Variants in ERCC6L2 observed in about 807,000 individuals in gnomAD.
The protein encoded by ERCC6L2 is ERCC excision repair 6 like 2, also known as DNA excision repair protein ERCC-6-like 2.
ERCC6L2 carries 77 observed loss-of-function variants against 132.0 expected under a neutral mutation model. That is an observed-to-expected ratio of 0.58 (90% CI 0.49 to 0.71). The LOEUF is 0.71. Among genes scored for constraint, ERCC6L2 ranks in the 30% least tolerant of loss-of-function variants. The pLI is 0.00. For synonymous variants in ERCC6L2, 583 were observed against 632.4 expected (o/e 0.92, Z 1.17); for missense variants, 1,542 against 1,837.6 (o/e 0.84, Z 2.94).
chr9:95,937,756 G>A lies in ERCC6L2; in HGVS notation c.1752-3698G>A, dbSNP rs778507811. 4.0e-5 allele frequency among the ~76,000 whole-genome samples: 6 copies of A among 151,698 alleles called. No homozygotes were observed. In the East Asian group the frequency reaches 7.8e-4, roughly 20 times the overall value. On this transcript the variant is annotated intron_variant, in intron 11 of 18. Coordinates refer to ENST00000653738, the MANE Select transcript of ERCC6L2 (RefSeq NM_020207.7). ...TCTTTGTCATTGCTAGTTTAGCAAC[G>A]AATCAGCTTTTTTTCACTGATTTTT...
At chr9:95,991,573 G>A (rs750511771) in intron 17 of ERCC6L2, among the ~76,000 whole-genome samples, 4 of 152,182 alleles carry the variant, frequency 2.6e-5, no homozygotes, top group African/African-American at 4.8e-5. Flanking sequence ...TAGTGAGCAT[G>A]TCACTTCAAA....
intron 14 of ERCC6L2, chr9:95,967,904 T>C (rs148876661): frequency 1.3e-5 from 2 of 152,308 alleles, no homozygotes; most frequent in African/African-American, 4.8e-5. Context: ...GACATGCCTA[T>C]ATTGATGTTA....
At chr9:95,958,193 G>A (rs1831711315) in intron 13 of ERCC6L2, among the ~76,000 whole-genome samples, 1 of 151,932 alleles carries the variant, frequency 6.6e-6, no homozygotes, top group Non-Finnish European at 1.5e-5. Flanking sequence ...TCCCTACAAA[G>A]GACATGAACT....
rs765604584 is a variant in ERCC6L2 at position 95,876,062 on chromosome 9, C to G, written c.24C>G (p.Pro8=). ...GGATGGATCCGTCGGCGCCACAGCC[C>G]CGCGCGGAAACCTCAGGCAAAGGTA... The part of the protein sequence containing the change: MDPSAPQ[P]RAETSGKDIW... The change falls in exon 1 of 19, where the codon CCC becomes CCG. Residue 8 remains proline (P), a synonymous_variant. Coordinates refer to ENST00000653738, the MANE Select transcript of ERCC6L2 (RefSeq NM_020207.7). 1 of 1,584,744 alleles carries G rather than the reference C, an allele frequency of 6.3e-7. No homozygotes were observed. Among genetic ancestry groups the G allele is most frequent in the South Asian group, 1.2e-5 (1 of 86,834 alleles).
intron 18 of ERCC6L2, among the ~76,000 whole-genome samples, chr9:96,007,957 C>T (rs62559763): frequency 0.088 from 13,352 of 152,058 alleles, 666 homozygotes; most frequent in Admixed American, 0.14. Context: ...GAGCTGGCCC[C>T]GCAGCTCTTT....
chr9:95,928,642 C>G, intron 10 of ERCC6L2, 77 bp from the exon 11 acceptor site: 1 of 1,279,468 alleles, frequency 7.8e-7, no homozygotes, highest in South Asian at 1.7e-5. Flanking sequence ...TAATACTTAA[C>G]AAGTCTCAAC....
At position 95,972,080 on chromosome 9, in the gene ERCC6L2, G is replaced by A. The variant is rs781006315; in HGVS notation, c.2329G>A (p.Asp777Asn). The A allele has an allele frequency of 1.6e-5, 21 of 1,304,128 alleles. No homozygotes were observed. The highest frequency in any genetic ancestry group is 1.1e-4 in the South Asian group (9 of 81,028). The allele number at this position is 1,304,128 out of a possible 1,614,324, so 80.8% of individuals were successfully genotyped here. Reference protein sequence around the residue: ...GIKTAKNKAPDSSKASSSPGQ... With the variant: ...GIKTAKNKAPNSSKASSSPGQ... ...AAAGACTGCCAAAAACAAAGCACCC[G>A]ATTCAAGTAAAGCTTCCAGCTCTCC... The change falls in exon 16 of 19, where the codon GAT becomes AAT. Residue 777 changes from aspartate (D) to asparagine (N), a missense_variant. Transcript: ENST00000653738.
At chr9:96,035,263 C>T (rs1229654585) in intron 19 of ERCC6L2, among the ~76,000 whole-genome samples, 1 of 152,154 alleles carries the variant, frequency 6.6e-6, no homozygotes, top group Non-Finnish European at 1.5e-5. Context: ...TTCTTCAGGC[C>T]AGGGAATGCC....
chr9:96,006,783 G>A (rs1833878292), intron 18 of ERCC6L2, among the ~76,000 whole-genome samples: 1 of 152,144 alleles, frequency 6.6e-6, no homozygotes, highest in Admixed American at 6.5e-5. Flanking sequence ...TCAATGAGTT[G>A]AGAACTGAAG....
intron 18 of ERCC6L2, among the ~76,000 whole-genome samples, chr9:96,008,476 T>C (rs913408): frequency 0.66 from 100,366 of 151,994 alleles, 34,176 homozygotes; most frequent in African/African-American, 0.83. Flanking sequence ...TTTGCAGGTG[T>C]TAATTCTTTG....
downstream of ERCC6L2, among the ~76,000 whole-genome samples, chr9:96,022,734 C>T (rs997901416): frequency 3.3e-5 from 5 of 152,294 alleles, no homozygotes; most frequent in African/African-American, 1.2e-4. Flanking sequence ...GCGAGGCCCC[C>T]TTGCTCATCC....
intron 11 of ERCC6L2, among the ~76,000 whole-genome samples, chr9:95,939,675 G>A (rs1416166018): frequency 6.6e-6 from 1 of 151,794 alleles, no homozygotes; most frequent in Non-Finnish European, 1.5e-5. Context: ...TGTTTTGTTT[G>A]TTTTTGCTGA....
At chr9:95,966,478 G>A (rs1279835022) in intron 13 of ERCC6L2, 84 bp from the exon 14 acceptor site, 4 of 1,259,634 alleles carry the variant, frequency 3.2e-6, no homozygotes, top group Non-Finnish European at 4.2e-6. Flanking sequence ...AGCTAAAGCT[G>A]TGTATATACA....
At chr9:95,951,657 G>A (rs939769625) in intron 12 of ERCC6L2, among the ~76,000 whole-genome samples, 1 of 152,238 alleles carries the variant, frequency 6.6e-6, no homozygotes, top group South Asian at 2.1e-4. Flanking sequence ...GTTCAAGAGA[G>A]TACTGTGAAC....
intron 2 of ERCC6L2, among the ~76,000 whole-genome samples, chr9:95,888,829 CCTAA>C (rs932437388): frequency 3.9e-5 from 6 of 152,152 alleles, no homozygotes; most frequent in Admixed American, 1.3e-4. Context: ...TTCTCCCTTC[CCTAA>C]CTGTCTTTTG....
rs933300533 is a variant in ERCC6L2 at position 95,916,432 on chromosome 9, C to T, written c.1156C>T (p.Arg386Trp). Residue 386 changes from arginine (R) to tryptophan (W), a missense_variant and splice_region_variant, in exon 6 of 19, where the codon CGG becomes TGG. Coordinates refer to ENST00000653738, the MANE Select transcript of ERCC6L2 (RefSeq NM_020207.7). ...IKDQLPKKED[R>W]MVYCSLTDFQ... ...GGATCAGTTGCCTAAGAAGGAAGAC[C>T]GGGTAAGAACCGCATTTGTATATAT... 2.6e-6 allele frequency: 4 copies of T among 1,550,392 alleles called. No individual in the cohort carries two copies. The highest frequency in any genetic ancestry group is 1.4e-5 in the African/African-American group (1 of 71,784).
At chr9:95,964,711 G>A (rs559168034) in intron 13 of ERCC6L2, among the ~76,000 whole-genome samples, 1 of 152,152 alleles carries the variant, frequency 6.6e-6, no homozygotes, top group South Asian at 2.1e-4. Flanking sequence ...TCCCTTGTAT[G>A]GGTTTTTCAT....
intron 17 of ERCC6L2, among the ~76,000 whole-genome samples, chr9:95,988,704 C>A (rs1196685365): frequency 3.3e-5 from 5 of 152,214 alleles, no homozygotes; most frequent in Non-Finnish European, 5.9e-5. Context: ...ACACAGAAGA[C>A]TTCTGTGACC....
intron 17 of ERCC6L2, among the ~76,000 whole-genome samples, chr9:95,992,018 GTA>G (rs1453178091): frequency 1.3e-5 from 2 of 152,166 alleles, no homozygotes; most frequent in East Asian, 3.9e-4. Context: ...CTACATATCT[GTA>G]TGAGACCAAT....
Sources: allele counts gnomAD v4.1 joint callset (sites outside exome capture counted in the v4.1 genomes callset), GRCh38; gene constraint gnomAD v4.1.1; transcripts MANE v1.5; gene names NCBI Gene and HGNC (gene_info 2026-07-23, HGNC 2026-07-21).